The following THSD7B variants were observed in gnomAD, a reference collection of about 807,000 sequenced individuals.
THSD7B encodes thrombospondin type-1 domain-containing protein 7B.
In THSD7B, 138 loss-of-function variants were observed where a neutral mutation model predicts 213.6. That is an observed-to-expected ratio of 0.65 (90% CI 0.56 to 0.74). The LOEUF (loss-of-function observed/expected upper bound fraction) is 0.74, where lower values mean the gene tolerates loss of function less well. THSD7B is among the 30% of genes least tolerant of loss of function. The probability of loss-of-function intolerance (pLI) is 0.00; values close to 1 mark genes in which losing one functional copy is unlikely to be tolerated. For missense variants in THSD7B, 1,931 were observed against 1,991.5 expected, an observed-to-expected ratio of 0.97 and a Z score of 0.58; for synonymous variants, 742 against 687.0, an observed-to-expected ratio of 1.08 and a Z score of -1.25.
intron 1 of THSD7B, among the ~76,000 whole-genome samples, chr2:136,838,087 T>C (rs1043293502): frequency 9.2e-5 from 14 of 152,226 alleles, no homozygotes; most frequent in African/African-American, 3.4e-4. Context: ...GAGCTCTTGG[T>C]TTAGAATTAA....
chr2:137,114,099 G>T (rs1197853361), intron 4 of THSD7B, among the ~76,000 whole-genome samples: 1 of 152,096 alleles, frequency 6.6e-6, no homozygotes, highest in African/African-American at 2.4e-5. Flanking sequence ...GTAAAGCCAG[G>T]ATCTTGGTGA....
chr2:137,540,808 A>C (rs180973814), intron 15 of THSD7B, among the ~76,000 whole-genome samples: 5 of 151,882 alleles, frequency 3.3e-5, no homozygotes, highest in Admixed American at 3.3e-4. Flanking sequence ...CAAAAAGCTT[A>C]AAAGGAAAAG....
intron 2 of THSD7B, among the ~76,000 whole-genome samples, chr2:137,018,497 G>A (rs1364630972): frequency 6.6e-6 from 1 of 152,072 alleles, no homozygotes; most frequent in Non-Finnish European, 1.5e-5. Context: ...AAAACACAAG[G>A]ATTCACCAGC....
At chr2:137,216,576 A>T (rs1377908857) in intron 7 of THSD7B, among the ~76,000 whole-genome samples, 2 of 152,102 alleles carry the variant, frequency 1.3e-5, no homozygotes, top group African/African-American at 4.8e-5. Context: ...TGGTATGATT[A>T]CTTCTGAATC....
intron 5 of THSD7B, among the ~76,000 whole-genome samples, chr2:137,142,547 A>G (rs1467905806): frequency 2.0e-5 from 3 of 152,154 alleles, no homozygotes; most frequent in Admixed American, 6.6e-5. Flanking sequence ...TGTCTATTAT[A>G]CTATCTTAAG....
At chr2:137,104,114 T>C (rs1688201999) in intron 4 of THSD7B, among the ~76,000 whole-genome samples, 1 of 152,120 alleles carries the variant, frequency 6.6e-6, no homozygotes, top group East Asian at 1.9e-4. Context: ...TATTCTAAAA[T>C]TGACCATGCC....
chr2:137,206,836 A>C (rs1020785859), intron 7 of THSD7B, among the ~76,000 whole-genome samples: 1 of 152,114 alleles, frequency 6.6e-6, no homozygotes. Flanking sequence ...GCAGAATAAT[A>C]GATTTGTTTT....
At chr2:137,431,920 T>G (rs1026573068) in intron 14 of THSD7B, among the ~76,000 whole-genome samples, 3 of 152,166 alleles carry the variant, frequency 2.0e-5, no homozygotes, top group Non-Finnish European at 4.4e-5. Context: ...AGAAATATTT[T>G]TATTTGAGAT....
intron 2 of THSD7B, among the ~76,000 whole-genome samples, chr2:136,886,234 G>T (rs72617045): frequency 0.23 from 34,224 of 152,024 alleles, 4,761 homozygotes; most frequent in East Asian, 0.65. Flanking sequence ...GAGATAGAAA[G>T]ACATGGGAGG....
chr2:137,205,019 G>A (rs537550322), intron 7 of THSD7B, among the ~76,000 whole-genome samples: 6 of 152,072 alleles, frequency 3.9e-5, no homozygotes, highest in Non-Finnish European at 7.4e-5. Flanking sequence ...GCACCCACAC[G>A]GATGACCCAA....
intron 7 of THSD7B, among the ~76,000 whole-genome samples, chr2:137,225,406 T>C (rs977796545): frequency 4.6e-5 from 7 of 152,196 alleles, no homozygotes; most frequent in African/African-American, 1.7e-4. Context: ...CCCTTATTTA[T>C]GGTTTGGTAT....
intron 17 of THSD7B, among the ~76,000 whole-genome samples, chr2:137,584,559 T>A (rs1037721300): frequency 6.6e-6 from 1 of 152,238 alleles, no homozygotes; most frequent in African/African-American, 2.4e-5. Flanking sequence ...CTGTTGAATT[T>A]TGTCAAAGGC....
chr2:137,447,002 A>G lies in THSD7B; in HGVS notation c.2960-3843A>G, dbSNP rs553289868. Among the ~76,000 whole-genome samples, 17 of 152,258 alleles carry G rather than the reference A, an allele frequency of 1.1e-4. No homozygotes were observed. In the South Asian group the frequency reaches 1.2e-3, roughly 11 times the overall value. ...GGTAAAACTTATCCATTCGAATATG[A>G]GATAGGTATAAGAATATGCAAGTAT... On this transcript the variant is annotated intron_variant, in intron 14 of 27. Coordinates refer to ENST00000409968, the MANE Select transcript of THSD7B (RefSeq NM_001316349.2).
intron 19 of THSD7B, among the ~76,000 whole-genome samples, chr2:137,619,520 AC>A (rs962066495): frequency 1.3e-5 from 2 of 152,232 alleles, no homozygotes; most frequent in African/African-American, 4.8e-5. Context: ...AATGCTGTAT[AC>A]CATGATTTAT....
At chr2:137,125,003 G>T in intron 5 of THSD7B, among the ~76,000 whole-genome samples, 2 of 152,080 alleles carry the variant, frequency 1.3e-5, no homozygotes, top group African/African-American at 2.4e-5. Context: ...TTATTTTTTT[G>T]ACTTTTGATG....
chr2:137,306,536 G>A (rs552704156), intron 12 of THSD7B, among the ~76,000 whole-genome samples: 10 of 151,812 alleles, frequency 6.6e-5, no homozygotes, highest in Admixed American at 2.0e-4. Flanking sequence ...TATTCTCATC[G>A]TCATTTATTG....
intron 12 of THSD7B, among the ~76,000 whole-genome samples, chr2:137,300,531 A>G (rs752452464): frequency 8.5e-5 from 13 of 152,138 alleles, no homozygotes; most frequent in Non-Finnish European, 1.3e-4. Flanking sequence ...GTGCATTAAT[A>G]CATATCCACA....
At position 136,874,912 on chromosome 2, in the gene THSD7B, AT is replaced by A. The variant is rs1004486993; in HGVS notation, c.-35-7222del. ...GTATTTTTGTAATCATAGTCATAGC[AT>A]TTTTTTTTTCATTTGTGTTTTACAA... On this transcript the variant is annotated intron_variant, in intron 1 of 27. Coordinates refer to ENST00000409968, the MANE Select transcript of THSD7B (RefSeq NM_001316349.2). Among the ~76,000 whole-genome samples, 176 of 149,744 alleles carry A rather than the reference AT, an allele frequency of 1.2e-3. 1 individual carries two copies. Among genetic ancestry groups the A allele is most frequent in the African/African-American group, 3.8e-3 (154 of 40,874 alleles).
Position 137,390,764 on chromosome 2 carries a change from G to A in THSD7B, c.2501-14849G>A, listed in dbSNP as rs962849913. ...TGAAGGGATGCTGGATTTATCAAAT[G>A]TTATTTCTGTCTATTGAGATGATCA... On this transcript the variant is annotated intron_variant, in intron 12 of 27. Transcript: ENST00000409968. Among the ~76,000 whole-genome samples the A allele has an allele frequency of 2.6e-5, 4 of 152,116 alleles. No homozygotes were observed. The East Asian group carries it at 7.7e-4, about 29-fold the overall frequency.
Sources: allele counts gnomAD v4.1 joint callset (sites outside exome capture counted in the v4.1 genomes callset), GRCh38; gene constraint gnomAD v4.1.1; transcripts MANE v1.5; gene names NCBI Gene and HGNC (gene_info 2026-07-23, HGNC 2026-07-21).